SLIT2: variants seen among roughly 807,000 people sequenced by gnomAD.
The protein encoded by SLIT2 is slit guidance ligand 2.
In SLIT2, 41 loss-of-function variants were observed where a neutral mutation model predicts 185.7. That is an observed-to-expected ratio of 0.22 (90% CI 0.17 to 0.29). SLIT2 has a LOEUF of 0.29. Ranked by LOEUF, SLIT2 falls within the 10% of genes least tolerant of loss-of-function variation. The pLI, the probability that SLIT2 is intolerant of heterozygous loss-of-function variation, is 1.00. For synonymous variants in SLIT2, 693 were observed against 680.2 expected (o/e 1.02, Z -0.29); for missense variants, 1,571 against 1,909.0 (o/e 0.82, Z 3.30).
rs1372774738 is a variant in SLIT2 at position 20,550,915 on chromosome 4, T to C, written c.2561+17T>C. On this transcript the variant is annotated intron_variant, in intron 25 of 36. Transcript: ENST00000504154. ...ATCACATCTGTGAGTACCTAGTTTA[T>C]GAATATAGGTTTAGGGTCAAACACT... 3 of 1,476,496 alleles carry C rather than the reference T, an allele frequency of 2.0e-6. No individual in the cohort carries two copies. The highest frequency in any genetic ancestry group is 2.8e-5 in the African/African-American group (2 of 72,274). 91.5% of individuals were successfully genotyped at this position (1,476,496 alleles called of 1,614,324 possible).
At chr4:20,340,639 C>A (rs1487955241) in intron 4 of SLIT2, among the ~76,000 whole-genome samples, 1 of 152,038 alleles carries the variant, frequency 6.6e-6, no homozygotes, top group African/African-American at 2.4e-5. Flanking sequence ...CTCGCTCTGT[C>A]CCCCGGGCTG....
chr4:20,512,589 A>C (rs2148828552), intron 11 of SLIT2, among the ~76,000 whole-genome samples: 1 of 152,306 alleles, frequency 6.6e-6, no homozygotes, highest in Middle Eastern at 3.4e-3. Context: ...TAAAGTAACT[A>C]GGTTCAGTGT....
chr4:20,616,107 T>C (rs1035207291), intron 34 of SLIT2: 6 of 152,274 alleles, frequency 3.9e-5, no homozygotes, highest in Non-Finnish European at 5.9e-5. Context: ...TTTTTATTTC[T>C]GATTTCTTGG....
At chr4:20,548,419 C>T (rs1723444478) in intron 22 of SLIT2, 69 bp from the exon 23 acceptor site, 4 of 798,584 alleles carry the variant, frequency 5.0e-6, no homozygotes, top group Non-Finnish European at 8.7e-6. Flanking sequence ...AGACCCTTCT[C>T]CTTCTAAGAA....
chr4:20,563,622 T>C (rs554672303), intron 26 of SLIT2, among the ~76,000 whole-genome samples: 1 of 151,894 alleles, frequency 6.6e-6, no homozygotes, highest in African/African-American at 2.4e-5. Flanking sequence ...TCCCCAAATT[T>C]GAGCAGCTCC....
chr4:20,300,627 T>C (rs1043891303), intron 4 of SLIT2, among the ~76,000 whole-genome samples: 1 of 151,940 alleles, frequency 6.6e-6, no homozygotes, highest in Non-Finnish European at 1.5e-5. Context: ...CACACAAATA[T>C]AGACATCCTC....
intron 4 of SLIT2, among the ~76,000 whole-genome samples, chr4:20,376,337 G>A (rs568787593): frequency 8.1e-4 from 123 of 151,884 alleles, no homozygotes; most frequent in Admixed American, 2.0e-3. Context: ...ATAGGGACCC[G>A]TTGAAAAGTG....
intron 34 of SLIT2, among the ~76,000 whole-genome samples, chr4:20,611,747 A>G (rs1398711353): frequency 6.6e-6 from 1 of 152,232 alleles, no homozygotes; most frequent in African/African-American, 2.4e-5. Context: ...TGCTCCTTTT[A>G]TAGCCTTAAT....
intron 4 of SLIT2, among the ~76,000 whole-genome samples, chr4:20,296,591 A>T (rs896606112): frequency 6.6e-6 from 1 of 152,202 alleles, no homozygotes; most frequent in Non-Finnish European, 1.5e-5. Context: ...TAGATACTAC[A>T]TAAGCCTCAG....
chr4:20,431,527 T>G (rs1728978792), intron 4 of SLIT2, among the ~76,000 whole-genome samples: 2 of 152,202 alleles, frequency 1.3e-5, no homozygotes, highest in Non-Finnish European at 2.9e-5. Context: ...CGACTCTGAC[T>G]GCAGGCCTTT....
rs747353665 is a variant in SLIT2, at chr4:20,510,520, G to A, written c.940G>A (p.Val314Ile). ...ACGTTTGGAACAGAACACAATCAAA[G>A]TCATCCCTCCTGGAGCTTTCTCACC... Reference protein sequence around the residue: ...EIRLEQNTIKVIPPGAFSPYK... With the variant: ...EIRLEQNTIKIIPPGAFSPYK... The change falls in exon 10 of 37, where the codon GTC becomes ATC. Residue 314 changes from valine (V) to isoleucine (I), a missense_variant. Coordinates refer to ENST00000504154, the MANE Select transcript of SLIT2 (RefSeq NM_004787.4). The A allele has an allele frequency of 1.9e-6, 3 of 1,611,618 alleles. No homozygotes were observed. The highest frequency in any genetic ancestry group is 2.2e-5 in the South Asian group (2 of 90,978).
At chr4:20,444,777 C>T (rs1711582750) in intron 4 of SLIT2, among the ~76,000 whole-genome samples, 2 of 152,138 alleles carry the variant, frequency 1.3e-5, no homozygotes, top group African/African-American at 4.8e-5. Flanking sequence ...TTTCACAATT[C>T]TCCACCTCTA....
intron 4 of SLIT2, among the ~76,000 whole-genome samples, chr4:20,311,750 T>C (rs1352111668): frequency 2.0e-5 from 3 of 152,220 alleles, no homozygotes; most frequent in Non-Finnish European, 4.4e-5. Flanking sequence ...CTTTATTGTT[T>C]GTAAAATTAA....
At chr4:20,457,325 A>G (rs1369430270) in intron 4 of SLIT2, among the ~76,000 whole-genome samples, 2 of 151,876 alleles carry the variant, frequency 1.3e-5, no homozygotes, top group Non-Finnish European at 1.5e-5. Flanking sequence ...CAAGGAAGGA[A>G]GACTACTCCA....
At chr4:20,513,397 C>T (rs1057217098) in intron 11 of SLIT2, among the ~76,000 whole-genome samples, 2 of 152,220 alleles carry the variant, frequency 1.3e-5, no homozygotes, top group South Asian at 2.1e-4. Context: ...TTCCTGGTCA[C>T]GTTCACAGTT....
chr4:20,568,035 G>C (rs1247166798), intron 28 of SLIT2, among the ~76,000 whole-genome samples: 1 of 151,974 alleles, frequency 6.6e-6, no homozygotes, highest in East Asian at 1.9e-4. Flanking sequence ...GAAAATTAAC[G>C]ATTTATTTCC....
At chr4:20,352,619 A>G (rs1721976440) in intron 4 of SLIT2, among the ~76,000 whole-genome samples, 1 of 152,124 alleles carries the variant, frequency 6.6e-6, no homozygotes, top group African/African-American at 2.4e-5. Context: ...TTTATCTTTT[A>G]AGAAATATTT....
intron 4 of SLIT2, among the ~76,000 whole-genome samples, chr4:20,433,113 A>G (rs1729108795): frequency 6.6e-6 from 1 of 152,230 alleles, no homozygotes; most frequent in South Asian, 2.1e-4. Flanking sequence ...TGTATACCAC[A>G]TACTTTATTT....
intron 4 of SLIT2, among the ~76,000 whole-genome samples, chr4:20,339,997 A>G (rs1399598150): frequency 6.6e-6 from 1 of 152,140 alleles, no homozygotes; most frequent in Non-Finnish European, 1.5e-5. Flanking sequence ...AATCCCCTCC[A>G]TCTATAATCT....
Sources: gnomAD v4.1 joint callset for allele counts (sites outside exome capture counted in the v4.1 genomes callset) on GRCh38, gnomAD v4.1.1 for gene constraint, MANE v1.5 for transcripts, NCBI Gene and HGNC (gene_info 2026-07-23, HGNC 2026-07-21) for gene names.